The following OR11H6 variants were observed in gnomAD, a reference collection of about 807,000 sequenced individuals.
OR11H6 encodes the protein olfactory receptor 11H6.
Under a neutral mutation model 9.2 loss-of-function variants are expected in OR11H6, and 4 were observed. That is an observed-to-expected ratio of 0.44 (90% CI 0.21 to 1.00). The LOEUF (loss-of-function observed/expected upper bound fraction) is 1.00. Ranked by LOEUF, OR11H6 falls within the 50% of genes least tolerant of loss-of-function variation. OR11H6 has a pLI of 0.26. For missense variants in OR11H6, 381 were observed against 390.9 expected (o/e 0.97, Z 0.21); for synonymous variants, 136 against 148.9 (o/e 0.91, Z 0.63).
Position 20,223,936 on chromosome 14 carries a change from C to T in OR11H6, c.227C>T (p.Pro76Leu). The change falls in exon 1 of 1, where the codon CCC becomes CTC. Residue 76 changes from proline to leucine, a missense_variant. Physicochemically the swap from Pro to Leu is moderately conservative, Grantham distance 98. Coordinates refer to ENST00000315519, the MANE Select transcript of OR11H6 (RefSeq NM_001004480.1). The part of the protein sequence containing the change: ...AVKLDRRLHT[P>L]MYILLGNFAF... ...AAATTGGACAGGCGGCTCCACACAC[C>T]CATGTACATCCTTCTGGGAAACTTT... 1 of 1,614,084 alleles carries T rather than the reference C, an allele frequency of 6.2e-7. No homozygotes were observed. The highest frequency in any genetic ancestry group is 8.5e-7 in the Non-Finnish European group (1 of 1,179,948).
Position 20,224,505 on chromosome 14 carries a change from G to A in OR11H6, c.796G>A (p.Val266Met), listed in dbSNP as rs757805767. The change falls in exon 1 of 1, where the codon GTG becomes ATG. Residue 266 changes from valine (V) to methionine (M), a missense_variant. By Grantham distance (21) the Val-to-Met change is conservative. Transcript: ENST00000315519. ...FSTCGSHLMV[V>M]SLFYGTLMVM... Reference sequence around the variant, plus strand: ...CACATGTGGGTCCCACCTAATGGTGGTGTCTCTATTCTATGGAACCCTTAT... The same window carrying A: ...CACATGTGGGTCCCACCTAATGGTGATGTCTCTATTCTATGGAACCCTTAT... The A allele has an allele frequency of 1.9e-6, 3 of 1,614,014 alleles. No homozygotes were observed. In the South Asian group the frequency reaches 3.3e-5, roughly 18 times the overall value.
chr14:20,223,965 T>C lies in OR11H6; in HGVS notation c.256T>C (p.Phe86Leu). Residue 86 changes from phenylalanine to leucine, a missense_variant, in exon 1 of 1, where the codon TTT (phenylalanine) becomes CTT (leucine). Physicochemically the swap from Phe to Leu is conservative, Grantham distance 22. Coordinates refer to ENST00000315519, the MANE Select transcript of OR11H6 (RefSeq NM_001004480.1). ...GTACATCCTTCTGGGAAACTTTGCC[T>C]TTCTAGAGATCTGGTACATTTCCTC... ...PMYILLGNFA[F>L]LEIWYISSTV... 6.2e-7 allele frequency: 1 copy of C among 1,614,184 alleles called. No individual in the cohort carries two copies. Among genetic ancestry groups the C allele is most frequent in the Non-Finnish European group, 8.5e-7 (1 of 1,180,022 alleles).
Position 20,224,673 on chromosome 14 carries a change from G to T in OR11H6, c.964G>T (p.Val322Phe). The T allele has an allele frequency of 6.2e-7, 1 of 1,610,400 alleles. No homozygotes were observed. Among genetic ancestry groups the T allele is most frequent in the Non-Finnish European group, 8.5e-7 (1 of 1,178,408 alleles). ...NKDMKDALKR[V>F]LGLTVSQN ...AGACATGAAAGATGCTCTAAAGAGA[G>T]TCCTGGGGTTAACAGTTAGCCAAAA... The change falls in exon 1 of 1, where the codon GTC (valine) becomes TTC (phenylalanine). Residue 322 changes from valine to phenylalanine, a missense_variant. Val to Phe is a conservative substitution (Grantham distance 50). Coordinates refer to ENST00000315519, the MANE Select transcript of OR11H6 (RefSeq NM_001004480.1).
rs1594233895 is a variant in OR11H6 at position 20,224,359 on chromosome 14, G to A, written c.650G>A (p.Cys217Tyr). The change falls in exon 1 of 1, where the codon TGT becomes TAT. Residue 217 changes from cysteine (C) to tyrosine (Y), a missense_variant. Coordinates refer to ENST00000315519, the MANE Select transcript of OR11H6 (RefSeq NM_001004480.1). The stretch of plus-strand genomic sequence containing the variant: ...TCTGCTCCTTCCACTGAGCTTATCT[G>A]TTACACCTTCAACTCGATGATTATC... ...CISAPSTELICYTFNSMIIFG... is the reference protein window; with the variant it reads ...CISAPSTELIYYTFNSMIIFG... The A allele has an allele frequency of 6.2e-7, 1 of 1,614,126 alleles. No homozygotes were observed. The highest frequency in any genetic ancestry group is 1.6e-4 in the Middle Eastern group (1 of 6,062).
Position 20,223,835 on chromosome 14 carries a change from G to A in OR11H6, c.126G>A (p.Gln42=). Residue 42 remains glutamine (Q), a synonymous_variant, in exon 1 of 1, where the codon CAG becomes CAA. Coordinates refer to ENST00000315519, the MANE Select transcript of OR11H6 (RefSeq NM_001004480.1). ...LLGFHGQREM[Q]SCFFSFILVL... is the part of the protein sequence containing the mutation. ...GTTTCCATGGTCAAAGGGAGATGCA[G>A]AGCTGCTTCTTCTCATTCATCCTGG... is the stretch of plus-strand genomic sequence containing the variant. 13 of 1,614,110 alleles carry A rather than the reference G, an allele frequency of 8.1e-6. No homozygotes were observed. The highest frequency in any genetic ancestry group is 1.1e-5 in the Non-Finnish European group (13 of 1,179,968).
Position 20,224,085 on chromosome 14 carries a change from GGT to G in OR11H6, c.377_378del (p.Gly126AspfsTer13). ...FLQFYFFFSL[G>X]TTECFFLSVM... ...GCAATTCTATTTCTTTTTTTCACTGGGTACAACAGAGTGTTTCTTTTTATCAG... is the reference window on the plus strand; with the variant it reads ...GCAATTCTATTTCTTTTTTTCACTGGACAACAGAGTGTTTCTTTTTATCAG... On this transcript the variant is annotated frameshift_variant, in exon 1 of 1. Coordinates refer to ENST00000315519, the MANE Select transcript of OR11H6 (RefSeq NM_001004480.1). LOFTEE classifies it high-confidence loss of function. The G allele has an allele frequency of 1.2e-6, 2 of 1,613,588 alleles. No homozygotes were observed. The highest frequency in any genetic ancestry group is 1.7e-6 in the Non-Finnish European group (2 of 1,179,712).
At position 20,224,011 on chromosome 14, in the gene OR11H6, T is replaced by C; in HGVS notation, c.302T>C (p.Val101Ala). Residue 101 changes from valine (V) to alanine (A), a missense_variant, in exon 1 of 1, where the codon GTC (valine) becomes GCC (alanine). Val to Ala is a moderately conservative substitution (Grantham distance 64, BLOSUM62 0). Coordinates refer to ENST00000315519, the MANE Select transcript of OR11H6 (RefSeq NM_001004480.1). ...TCCTCCACTGTCCCAAACATGCTAG[T>C]CAATATCCTCTCTGAGATTAAAACC... ...YISSTVPNML[V>A]NILSEIKTIS... 1 of 1,614,136 alleles carries C rather than the reference T, an allele frequency of 6.2e-7. No individual in the cohort carries two copies. Among genetic ancestry groups the C allele is most frequent in the Non-Finnish European group, 8.5e-7 (1 of 1,179,986 alleles).
rs748577749 is a variant in OR11H6 at position 20,223,817 on chromosome 14, T to G, written c.108T>G (p.His36Gln). Residue 36 changes from histidine to glutamine, a missense_variant, in exon 1 of 1, where the codon CAT becomes CAG. Coordinates refer to ENST00000315519, the MANE Select transcript of OR11H6 (RefSeq NM_001004480.1). ...FVTEFVLLGF[H>Q]GQREMQSCFF... ...CTGAGTTTGTCCTCCTGGGTTTCCA[T>G]GGTCAAAGGGAGATGCAGAGCTGCT... is the stretch of plus-strand genomic sequence containing the variant. The G allele has an allele frequency of 6.2e-7, 1 of 1,614,136 alleles. No individual in the cohort carries two copies. The highest frequency in any genetic ancestry group is 8.5e-7 in the Non-Finnish European group (1 of 1,179,960).
Position 20,224,304 on chromosome 14 carries a change from C to A in OR11H6, c.595C>A (p.Pro199Thr). The change falls in exon 1 of 1, where the codon CCA becomes ACA. Residue 199 changes from proline (P) to threonine (T), a missense_variant. By Grantham distance (38) the Pro-to-Thr change is conservative. Coordinates refer to ENST00000315519, the MANE Select transcript of OR11H6 (RefSeq NM_001004480.1). ...CATCATTGACCACTTGGTGTGTGAC[C>A]CAGGCCCATTGTTTGCACTGGCCTG... is the stretch of plus-strand genomic sequence containing the variant. The part of the protein sequence containing the change: ...PNIIDHLVCD[P>T]GPLFALACIS... The A allele has an allele frequency of 6.2e-7, 1 of 1,613,862 alleles. No individual in the cohort carries two copies. Among genetic ancestry groups the A allele is most frequent in the Non-Finnish European group, 8.5e-7 (1 of 1,179,838 alleles).
Position 20,224,304 on chromosome 14 carries a change from C to T in OR11H6, c.595C>T (p.Pro199Ser), listed in dbSNP as rs750506212. Residue 199 changes from proline to serine, a missense_variant, in exon 1 of 1, where the codon CCA becomes TCA. Pro to Ser is a moderately conservative substitution (Grantham distance 74, BLOSUM62 -1). Transcript: ENST00000315519. ...CATCATTGACCACTTGGTGTGTGAC[C>T]CAGGCCCATTGTTTGCACTGGCCTG... ...PNIIDHLVCD[P>S]GPLFALACIS... 13 of 1,613,862 alleles carry T rather than the reference C, an allele frequency of 8.1e-6. No homozygotes were observed. The highest frequency in any genetic ancestry group is 1.1e-5 in the Non-Finnish European group (13 of 1,179,838).
At position 20,224,365 on chromosome 14, in the gene OR11H6, C is replaced by A. The variant is rs781717037; in HGVS notation, c.656C>A (p.Thr219Asn). Residue 219 changes from threonine to asparagine, a missense_variant, in exon 1 of 1, where the codon ACC becomes AAC. By Grantham distance (65) the Thr-to-Asn change is moderately conservative. Coordinates refer to ENST00000315519, the MANE Select transcript of OR11H6 (RefSeq NM_001004480.1). ...SAPSTELICY[T>N]FNSMIIFGPF... is the part of the protein sequence containing the mutation. ...CCTTCCACTGAGCTTATCTGTTACA[C>A]CTTCAACTCGATGATTATCTTTGGG... is the stretch of plus-strand genomic sequence containing the variant. 6.2e-6 allele frequency: 10 copies of A among 1,614,166 alleles called. No individual in the cohort carries two copies. The highest frequency in any genetic ancestry group is 8.5e-6 in the Non-Finnish European group (10 of 1,180,006).
chr14:20,223,776 A>G lies in OR11H6; in HGVS notation c.67A>G (p.Thr23Ala), dbSNP rs1334747704. Reference protein sequence around the residue: ...FLTALGPQNRTMHFVTEFVLL... With the variant: ...FLTALGPQNRAMHFVTEFVLL... ...AACAGCTTTGGGACCCCAGAACAGAACAATGCATTTTGTGACTGAGTTTGT... is the reference window on the plus strand; with the variant it reads ...AACAGCTTTGGGACCCCAGAACAGAGCAATGCATTTTGTGACTGAGTTTGT... The change falls in exon 1 of 1, where the codon ACA (threonine) becomes GCA (alanine). Residue 23 changes from threonine (T) to alanine (A), a missense_variant. Thr to Ala is a moderately conservative substitution (Grantham distance 58). Transcript: ENST00000315519. The G allele has an allele frequency of 1.2e-6, 2 of 1,614,116 alleles. No individual in the cohort carries two copies. Among genetic ancestry groups the G allele is most frequent in the Admixed American group, 3.3e-5 (2 of 60,014 alleles).
Position 20,224,009 on chromosome 14 carries a change from A to T in OR11H6, c.300A>T (p.Leu100=). Reference sequence around the variant, plus strand: ...TTTCCTCCACTGTCCCAAACATGCTAGTCAATATCCTCTCTGAGATTAAAA... The same window carrying T: ...TTTCCTCCACTGTCCCAAACATGCTTGTCAATATCCTCTCTGAGATTAAAA... ...WYISSTVPNM[L]VNILSEIKTI... The change falls in exon 1 of 1, where the codon CTA becomes CTT. Residue 100 remains leucine, a synonymous_variant. Transcript: ENST00000315519. 6.2e-7 allele frequency: 1 copy of T among 1,614,154 alleles called. No individual in the cohort carries two copies. Among genetic ancestry groups the T allele is most frequent in the Non-Finnish European group, 8.5e-7 (1 of 1,179,992 alleles).
chr14:20,224,491 C>G lies in OR11H6; in HGVS notation c.782C>G (p.Ser261Cys), dbSNP rs1880371978. 1 of 1,613,882 alleles carries G rather than the reference C, an allele frequency of 6.2e-7. No individual in the cohort carries two copies. The highest frequency in any genetic ancestry group is 8.5e-7 in the Non-Finnish European group (1 of 1,179,768). Reference sequence around the variant, plus strand: ...ACTAAAGCTTTCTCCACATGTGGGTCCCACCTAATGGTGGTGTCTCTATTC... The same window carrying G: ...ACTAAAGCTTTCTCCACATGTGGGTGCCACCTAATGGTGGTGTCTCTATTC... Reference protein sequence around the residue: ...GRTKAFSTCGSHLMVVSLFYG... With the variant: ...GRTKAFSTCGCHLMVVSLFYG... The change falls in exon 1 of 1, where the codon TCC becomes TGC. Residue 261 changes from serine to cysteine, a missense_variant. Ser to Cys is a moderately radical substitution (Grantham distance 112, BLOSUM62 -1). Transcript: ENST00000315519.
chr14:20,224,558 G>A lies in OR11H6; in HGVS notation c.849G>A (p.Gly283=), dbSNP rs1880374156. 3.1e-6 allele frequency: 5 copies of A among 1,614,022 alleles called. No individual in the cohort carries two copies. The highest frequency in any genetic ancestry group is 4.2e-6 in the Non-Finnish European group (5 of 1,179,928). The change falls in exon 1 of 1, where the codon GGG becomes GGA. Residue 283 remains glycine, a synonymous_variant. Coordinates refer to ENST00000315519, the MANE Select transcript of OR11H6 (RefSeq NM_001004480.1). ...LMVMYVSPTS[G]NPAGMQKIIT... ...TGATGTATGTGAGCCCAACATCAGGGAACCCAGCAGGAATGCAGAAGATCA... is the reference window on the plus strand; with the variant it reads ...TGATGTATGTGAGCCCAACATCAGGAAACCCAGCAGGAATGCAGAAGATCA...
rs762880435 is a variant in OR11H6 at position 20,224,434 on chromosome 14, C to A, written c.725C>A (p.Ala242Asp). Residue 242 changes from alanine (A) to aspartate (D), a missense_variant, in exon 1 of 1, where the codon GCT becomes GAT. Transcript: ENST00000315519. ...GGATCTTACACTCTGGTCATCAGAG[C>A]TGTGCTTTGTATTCCCTCTGGTGCT... is the stretch of plus-strand genomic sequence containing the variant. ...ILGSYTLVIR[A>D]VLCIPSGAGR... 6.2e-7 allele frequency: 1 copy of A among 1,613,906 alleles called. No individual in the cohort carries two copies.
chr14:20,223,882 T>C lies in OR11H6; in HGVS notation c.173T>C (p.Leu58Pro). 6.2e-7 allele frequency: 1 copy of C among 1,614,168 alleles called. No homozygotes were observed. The highest frequency in any genetic ancestry group is 8.5e-7 in the Non-Finnish European group (1 of 1,180,012). Residue 58 changes from leucine (L) to proline (P), a missense_variant, in exon 1 of 1, where the codon CTA (leucine) becomes CCA (proline). Physicochemically the swap from Leu to Pro is moderately conservative, Grantham distance 98 (BLOSUM62 -3). Coordinates refer to ENST00000315519, the MANE Select transcript of OR11H6 (RefSeq NM_001004480.1). ...CTGGTTCTCTATCTCCTGACACTGCTAGGGAATGGAGCTATTGTCTGTGCA... is the reference window on the plus strand; with the variant it reads ...CTGGTTCTCTATCTCCTGACACTGCCAGGGAATGGAGCTATTGTCTGTGCA... ...FILVLYLLTLLGNGAIVCAVK... is the reference protein window; with the variant it reads ...FILVLYLLTLPGNGAIVCAVK...
In OR11H6 at chr14:20,223,828, A is replaced by T. The variant is rs1250274040; in HGVS notation, c.119A>T (p.Glu40Val). Residue 40 changes from glutamate to valine, a missense_variant, in exon 1 of 1, where the codon GAG (glutamate) becomes GTG (valine). Transcript: ENST00000315519. Reference protein sequence around the residue: ...FVLLGFHGQREMQSCFFSFIL... With the variant: ...FVLLGFHGQRVMQSCFFSFIL... Reference sequence around the variant, plus strand: ...CTCCTGGGTTTCCATGGTCAAAGGGAGATGCAGAGCTGCTTCTTCTCATTC... The same window carrying T: ...CTCCTGGGTTTCCATGGTCAAAGGGTGATGCAGAGCTGCTTCTTCTCATTC... The T allele has an allele frequency of 1.2e-6, 2 of 1,614,056 alleles. No homozygotes were observed. Among genetic ancestry groups the T allele is most frequent in the Non-Finnish European group, 1.7e-6 (2 of 1,179,948 alleles).
Position 20,224,464 on chromosome 14 carries a change from G to T in OR11H6, c.755G>T (p.Arg252Leu), listed in dbSNP as rs367798181. 2 of 1,613,972 alleles carry T rather than the reference G, an allele frequency of 1.2e-6. No individual in the cohort carries two copies. Among genetic ancestry groups the T allele is most frequent in the Non-Finnish European group, 8.5e-7 (1 of 1,179,950 alleles). ...CTTTGTATTCCCTCTGGTGCTGGTC[G>T]AACTAAAGCTTTCTCCACATGTGGG... ...AVLCIPSGAG[R>L]TKAFSTCGSH... is the part of the protein sequence containing the mutation. Residue 252 changes from arginine to leucine, a missense_variant, in exon 1 of 1, where the codon CGA becomes CTA. Arg to Leu is a moderately radical substitution (Grantham distance 102, BLOSUM62 -2). Transcript: ENST00000315519.
Sources: allele counts gnomAD v4.1 joint callset, GRCh38; gene constraint gnomAD v4.1.1; transcripts MANE v1.5; gene names NCBI Gene and HGNC (gene_info 2026-07-23, HGNC 2026-07-21).